The following EDA variants were observed in gnomAD, a reference collection of about 807,000 sequenced individuals.
EDA encodes the protein ectodysplasin-A.
In EDA, 2 loss-of-function variants were observed where a neutral mutation model predicts 23.6. The observed-to-expected ratio is 0.08, with a 90% CI of 0.03 to 0.27. The LOEUF is 0.27. Among genes scored for constraint, EDA ranks in the 10% least tolerant of loss-of-function variants. EDA has a pLI of 1.00. For missense variants in EDA, 229 were observed against 324.2 expected (o/e 0.71, Z 2.26); for synonymous variants, 131 against 132.0 (o/e 0.99, Z 0.05).
At chrX:69,957,230 GCCTGTAAT>G in intron 2 of EDA, 98 bp downstream of exon 2, 1 of 856,737 alleles carries the variant, frequency 1.2e-6, no homozygotes, top group Non-Finnish European at 1.7e-6. Context: ...GGTGGCTCAC[GCCTGTAAT>G]CCTAGCACTT....
intron 1 of EDA, among the ~76,000 whole-genome samples, chrX:69,743,715 A>G (rs1160337963): frequency 3.6e-5 from 4 of 112,090 alleles, no homozygotes; most frequent in Non-Finnish European, 7.5e-5. Flanking sequence ...AACTGCCCAC[A>G]TGAACTCTTA....
chrX:69,718,651 G>A (rs1439365258), intron 1 of EDA, among the ~76,000 whole-genome samples: 2 of 110,896 alleles, frequency 1.8e-5, no homozygotes, highest in Non-Finnish European at 3.8e-5. Context: ...AACCCCACTT[G>A]TTCATGATGT....
intron 1 of EDA, among the ~76,000 whole-genome samples, chrX:69,793,570 G>GGT (rs749885449): frequency 3.4e-5 from 2 of 58,781 alleles, no homozygotes; most frequent in African/African-American, 7.3e-5. Flanking sequence ...GTTTGTTTTT[G>GGT]TTTTTTTTTT....
At chrX:69,654,922 A>G (rs1420705203) in intron 1 of EDA, among the ~76,000 whole-genome samples, 1 of 109,532 alleles carries the variant, frequency 9.1e-6, no homozygotes, top group Non-Finnish European at 1.9e-5. Flanking sequence ...CATTGTGCAC[A>G]TGTACCCTAA....
chrX:69,813,012 A>T, intron 1 of EDA, among the ~76,000 whole-genome samples: 1 of 111,536 alleles, frequency 9.0e-6, no homozygotes, highest in Middle Eastern at 4.6e-3. Flanking sequence ...GGGGCAAATG[A>T]CACAACTGGC....
intron 1 of EDA, among the ~76,000 whole-genome samples, chrX:69,906,231 A>T (rs1290251355): frequency 4.4e-5 from 5 of 112,417 alleles, no homozygotes; most frequent in African/African-American, 1.6e-4. Flanking sequence ...GTTCAAGATT[A>T]TATGAGTTCA....
At chrX:69,682,311 G>GAGGC (rs1248585438) in intron 1 of EDA, among the ~76,000 whole-genome samples, 11 of 112,625 alleles carry the variant, frequency 9.8e-5, no homozygotes, top group Non-Finnish European at 9.4e-5. Context: ...GGAGCCTACA[G>GAGGC]AGGCAGGCAG....
chrX:69,798,353 A>G (rs1324164466), intron 1 of EDA, among the ~76,000 whole-genome samples: 9 of 111,982 alleles, frequency 8.0e-5, no homozygotes, highest in Non-Finnish European at 1.5e-4. Context: ...TCTAACACCT[A>G]CAGACTATAC....
intron 1 of EDA, among the ~76,000 whole-genome samples, chrX:69,708,781 A>G (rs1019992519): frequency 1.8e-5 from 2 of 110,971 alleles, no homozygotes; most frequent in African/African-American, 3.3e-5. Context: ...AAATAGATCT[A>G]TAATATATCA....
intron 1 of EDA, among the ~76,000 whole-genome samples, chrX:69,889,506 G>A (rs2017891067): frequency 9.0e-6 from 1 of 111,245 alleles, no homozygotes; most frequent in Non-Finnish European, 1.9e-5. Context: ...GTGTCTCATT[G>A]TAGATTTGAT....
intron 1 of EDA, among the ~76,000 whole-genome samples, chrX:69,647,361 A>G (rs768326818): frequency 3.6e-5 from 4 of 111,433 alleles, no homozygotes; most frequent in Admixed American, 9.5e-5. Context: ...ACATAATCCC[A>G]TATTTCATGG....
intron 1 of EDA, among the ~76,000 whole-genome samples, chrX:69,940,698 A>G (rs1157166721): frequency 9.0e-6 from 1 of 111,274 alleles, no homozygotes; most frequent in Non-Finnish European, 1.9e-5. Flanking sequence ...TACAGGAGGT[A>G]TTTTGATACA....
intron 1 of EDA, among the ~76,000 whole-genome samples, chrX:69,832,753 A>G (rs964170515): frequency 9.0e-6 from 1 of 111,336 alleles, no homozygotes; most frequent in Non-Finnish European, 1.9e-5. Context: ...GAGGTCCTTC[A>G]CATCCCTTGT....
rs769085270 is a variant in EDA, at chrX:69,901,453, G to A, written c.397-55574G>A. On this transcript the variant is annotated intron_variant, in intron 1 of 7. Coordinates refer to ENST00000374552, the MANE Select transcript of EDA (RefSeq NM_001399.5). ...AAGAAGATAGATGGAGGCTTTGGGAGAGTCTTTCTGAAGAGCACTTCTAGG... is the reference window on the plus strand; with the variant it reads ...AAGAAGATAGATGGAGGCTTTGGGAAAGTCTTTCTGAAGAGCACTTCTAGG... Among the ~76,000 whole-genome samples the A allele has an allele frequency of 1.0e-3, 116 of 112,061 alleles. No individual in the cohort carries two copies. The Admixed American group carries it at 0.011, about 11-fold the overall frequency.
intron 1 of EDA, among the ~76,000 whole-genome samples, chrX:69,671,071 T>C (rs758302179): frequency 1.8e-5 from 2 of 111,666 alleles, no homozygotes; most frequent in Non-Finnish European, 3.8e-5. Flanking sequence ...GTGGTTTTTG[T>C]ATGGGAAGAC....
At chrX:69,627,608 G>C (rs763090860) in intron 1 of EDA, among the ~76,000 whole-genome samples, 1 of 111,642 alleles carries the variant, frequency 9.0e-6, no homozygotes, top group Non-Finnish European at 1.9e-5. Flanking sequence ...ATTTGAGAAC[G>C]TACTGCTCTA....
chrX:70,022,007 A>C (rs778837531), intron 2 of EDA, among the ~76,000 whole-genome samples: 2 of 111,941 alleles, frequency 1.8e-5, no homozygotes, highest in East Asian at 5.6e-4. Context: ...TAAGCTCTTG[A>C]GGGCACTGAC....
chrX:69,698,253 G>A (rs1232727591), intron 1 of EDA, among the ~76,000 whole-genome samples: 1 of 111,694 alleles, frequency 9.0e-6, no homozygotes, highest in Non-Finnish European at 1.9e-5. Flanking sequence ...ATGTTTTGGA[G>A]GAAGGAGTAT....
chrX:69,930,523 A>G (rs984426853), intron 1 of EDA, among the ~76,000 whole-genome samples: 1 of 111,307 alleles, frequency 9.0e-6, no homozygotes, highest in Admixed American at 9.6e-5. Context: ...AGAGGGGAAC[A>G]TCCACAAATT....
Sources: allele counts gnomAD v4.1 joint callset (sites outside exome capture counted in the v4.1 genomes callset), GRCh38; gene constraint gnomAD v4.1.1; transcripts MANE v1.5; gene names NCBI Gene and HGNC (gene_info 2026-07-23, HGNC 2026-07-21).